Variants in NFYC observed in about 807,000 individuals in gnomAD.
NFYC encodes the protein CAAT box DNA-binding protein subunit C.
In NFYC, 25 loss-of-function variants were observed where a neutral mutation model predicts 53.1. That is an observed-to-expected ratio of 0.47 (90% confidence interval 0.34 to 0.66). The LOEUF (loss-of-function observed/expected upper bound fraction) is 0.66. Ranked by LOEUF, NFYC falls within the 30% of genes least tolerant of loss-of-function variation. The pLI is 0.01. For synonymous variants in NFYC, 145 were observed against 152.6 expected (o/e 0.95, Z 0.37); for missense variants, 260 against 422.7 (o/e 0.62, Z 3.38).
At chr1:40,752,805 A>G (rs1281162110) in intron 4 of NFYC, among the ~76,000 whole-genome samples, 1 of 152,092 alleles carries the variant, frequency 6.6e-6, no homozygotes, top group African/African-American at 2.4e-5. Context: ...TTATAAACCT[A>G]ACTTTGCTAA....
chr1:40,734,936 G>C (rs967337021), intron 1 of NFYC: 1 of 152,172 alleles, frequency 6.6e-6, no homozygotes, highest in African/African-American at 2.4e-5. Context: ...TATAAAAAGA[G>C]TTTGCTGGAT....
At position 40,735,827 on chromosome 1, in the gene NFYC, G is replaced by A. The variant is rs903349990; in HGVS notation, c.-8-3009G>A. 8.6e-6 allele frequency: 7 copies of A among 815,410 alleles called. No homozygotes were observed. The Admixed American group carries it at 4.4e-4, about 51-fold the overall frequency. The allele number at this position is 815,410 out of a possible 1,614,324, so 50.5% of individuals were successfully genotyped here. On this transcript the variant is annotated intron_variant, in intron 1 of 9. Coordinates refer to ENST00000447388, the MANE Select transcript of NFYC (RefSeq NM_014223.5). ...TTTTTGTTTGCCCCATTTAAAAAAG[G>A]TTAAATTGAGTCACTGTCTTCATTT...
At position 40,769,027 on chromosome 1, in the gene NFYC, A is replaced by G. The variant is rs10157256; in HGVS notation, c.829-329A>G. On this transcript the variant is annotated intron_variant, in intron 8 of 9. Coordinates refer to ENST00000447388, the MANE Select transcript of NFYC (RefSeq NM_014223.5). ...ACTCTTAGGACTTCTACCCCAAACCATAGCACCTAGGGTCCATGTGTTCTG... is the reference window on the plus strand; with the variant it reads ...ACTCTTAGGACTTCTACCCCAAACCGTAGCACCTAGGGTCCATGTGTTCTG... The G allele has an allele frequency of 3.8e-3, 996 of 261,660 alleles. 10 individuals carry two copies. Among genetic ancestry groups the G allele is most frequent in the African/African-American group, 0.021 (937 of 45,018 alleles). 16.2% of individuals were successfully genotyped at this position (261,660 alleles called of 1,614,324 possible).
intron 1 of NFYC, among the ~76,000 whole-genome samples, chr1:40,726,281 C>A (rs1322146471): frequency 6.6e-6 from 1 of 152,062 alleles, no homozygotes; most frequent in East Asian, 1.9e-4. Context: ...CCATGCCCAG[C>A]TAATTTTTGT....
rs987208681 is a variant in NFYC at position 40,738,026 on chromosome 1, C to G, written c.-8-810C>G. On this transcript the variant is annotated intron_variant, in intron 1 of 9. Coordinates refer to ENST00000447388, the MANE Select transcript of NFYC (RefSeq NM_014223.5). ...CACGCCATTCTCCTGCCTCAGCCTCCCAAGTAGCTGGGACTACAGGCGCCC... is the reference window on the plus strand; with the variant it reads ...CACGCCATTCTCCTGCCTCAGCCTCGCAAGTAGCTGGGACTACAGGCGCCC... 5.9e-3 allele frequency among the ~76,000 whole-genome samples: 897 copies of G among 151,162 alleles called. 9 individuals are homozygous for G. The highest frequency in any genetic ancestry group is 0.021 in the African/African-American group (851 of 41,254).
chr1:40,744,861 C>A (rs1216010471), intron 2 of NFYC, among the ~76,000 whole-genome samples: 1 of 152,134 alleles, frequency 6.6e-6, no homozygotes, highest in East Asian at 1.9e-4. Context: ...TGTAGAGGGC[C>A]TCCCTTTTCC....
At chr1:40,737,906 T>C (rs1342913657) in intron 1 of NFYC, among the ~76,000 whole-genome samples, 1 of 148,184 alleles carries the variant, frequency 6.7e-6, no homozygotes, top group Non-Finnish European at 1.5e-5. Flanking sequence ...TCTCTCTTTT[T>C]TTTTTTTTTT....
At chr1:40,717,360 A>C (rs1644175434) in intron 1 of NFYC, among the ~76,000 whole-genome samples, 1 of 152,178 alleles carries the variant, frequency 6.6e-6, no homozygotes, top group African/African-American at 2.4e-5. Context: ...TTATTCCAAA[A>C]AGTTACTTGC....
intron 7 of NFYC, 39 bp from the exon 8 acceptor site, chr1:40,766,557 C>A: frequency 1.4e-6 from 2 of 1,473,560 alleles, no homozygotes; most frequent in South Asian, 2.4e-5. Flanking sequence ...AGATTATACT[C>A]AATGTCTTAT....
intron 1 of NFYC, among the ~76,000 whole-genome samples, chr1:40,705,605 G>A (rs893549678): frequency 6.6e-6 from 1 of 152,090 alleles, no homozygotes; most frequent in Admixed American, 6.5e-5. Context: ...TTATAAATGT[G>A]GTTTGTTACT....
At chr1:40,726,511 G>A (rs1570455934) in intron 1 of NFYC, among the ~76,000 whole-genome samples, 2 of 151,764 alleles carry the variant, frequency 1.3e-5, no homozygotes, top group African/African-American at 4.8e-5. Flanking sequence ...CCAGGTTCAA[G>A]CCATCCTCCT....
chr1:40,747,388 A>G (rs1205666977), intron 2 of NFYC, 146 bp from the exon 3 acceptor site: 1 of 564,230 alleles, frequency 1.8e-6, no homozygotes, highest in African/African-American at 1.9e-5. Context: ...TGGAGCTTGT[A>G]TTTTCTTCAT....
chr1:40,702,467 C>T (rs1643485850), intron 1 of NFYC, among the ~76,000 whole-genome samples: 1 of 151,472 alleles, frequency 6.6e-6, no homozygotes, highest in South Asian at 2.1e-4. Context: ...CTCAGCCTCC[C>T]GAGTAGCTGG....
At chr1:40,725,642 A>T (rs1254596347) in intron 1 of NFYC, among the ~76,000 whole-genome samples, 2 of 152,166 alleles carry the variant, frequency 1.3e-5, no homozygotes, top group Non-Finnish European at 2.9e-5. Flanking sequence ...ATTTATTTTT[A>T]TTAATATTCT....
intron 6 of NFYC, among the ~76,000 whole-genome samples, chr1:40,759,840 A>T (rs904775132): frequency 6.6e-6 from 1 of 152,088 alleles, no homozygotes; most frequent in South Asian, 2.1e-4. Flanking sequence ...AGCGTAGGGG[A>T]CCATCTACGC....
At chr1:40,749,923 A>G (rs1645818696) in intron 4 of NFYC, among the ~76,000 whole-genome samples, 1 of 152,172 alleles carries the variant, frequency 6.6e-6, no homozygotes, top group Non-Finnish European at 1.5e-5. Flanking sequence ...AAAAATCTTA[A>G]TCAATTCTCT....
chr1:40,747,278 G>A (rs2274956), intron 2 of NFYC, among the ~76,000 whole-genome samples: 131,671 of 150,104 alleles, frequency 0.88, 57,863 homozygotes, highest in East Asian at 0.98. Context: ...GCTTGGGGCT[G>A]TGTTTCATGA....
intron 1 of NFYC, among the ~76,000 whole-genome samples, chr1:40,714,504 T>C (rs181352790): frequency 1.3e-5 from 2 of 152,362 alleles, no homozygotes; most frequent in Non-Finnish European, 2.9e-5. Context: ...AATGAGGGCT[T>C]GAACGATGTA....
chr1:40,738,052 G>A (rs906729458), intron 1 of NFYC, among the ~76,000 whole-genome samples: 3 of 151,774 alleles, frequency 2.0e-5, no homozygotes, highest in Non-Finnish European at 4.4e-5. Context: ...ACAGGCGCCC[G>A]CCACTACGCC....
Sources: gnomAD v4.1 joint callset for allele counts (sites outside exome capture counted in the v4.1 genomes callset) on GRCh38, gnomAD v4.1.1 for gene constraint, MANE v1.5 for transcripts, NCBI Gene and HGNC (gene_info 2026-07-23, HGNC 2026-07-21) for gene names.